The following ZNF3 variants were observed in gnomAD, a reference collection of about 807,000 sequenced individuals.
The protein encoded by ZNF3 is zinc finger protein 3.
ZNF3 carries 16 observed loss-of-function variants against 36.9 expected under a neutral mutation model. The observed-to-expected ratio is 0.43, with a 90% CI of 0.29 to 0.66. The LOEUF (loss-of-function observed/expected upper bound fraction) is 0.66. Among genes scored for constraint, ZNF3 ranks in the 30% least tolerant of loss-of-function variants. ZNF3 has a pLI of 0.13. For synonymous variants in ZNF3, 201 were observed against 201.9 expected (o/e 1.00, Z 0.04); for missense variants, 462 against 543.1 (o/e 0.85, Z 1.48).
At chr7:100,073,320 A>T (rs186547861) in intron 5 of ZNF3, among the ~76,000 whole-genome samples, 1 of 152,226 alleles carries the variant, frequency 6.6e-6, no homozygotes, top group Non-Finnish European at 1.5e-5. Flanking sequence ...ACATCCTAAA[A>T]GTTGAGAAAC....
exon 6 of ZNF3, chr7:100,064,226 G>A: frequency 6.2e-7 from 1 of 1,614,162 alleles, no homozygotes; most frequent in Non-Finnish European, 8.5e-7. Context: ...TTTGGGCAGA[G>A]CTCAGACCTT....
In ZNF3 at chr7:100,070,893, A is replaced by G; in HGVS notation, c.*250T>C. ...GCTGTGAGAAAAACAGTTTAGTGCAAACTCCTTTCCTAAATGGGGTAACTG... is the reference window on the plus strand; with the variant it reads ...GCTGTGAGAAAAACAGTTTAGTGCAGACTCCTTTCCTAAATGGGGTAACTG... On this transcript the variant is annotated 3_prime_UTR_variant, in exon 6 of 6. Coordinates refer to ENST00000299667, the MANE Select transcript of ZNF3 (RefSeq NM_032924.5). 7.8e-7 allele frequency: 1 copy of G among 1,284,292 alleles called. No individual in the cohort carries two copies. The highest frequency in any genetic ancestry group is 3.2e-5 in the East Asian group (1 of 31,238). The allele number at this position is 1,284,292 out of a possible 1,614,324, so 79.6% of individuals were successfully genotyped here.
Position 100,070,766 on chromosome 7 carries a change from C to A in ZNF3, c.*377G>T. 1.3e-5 allele frequency: 13 copies of A among 1,021,836 alleles called. No homozygotes were observed. Among genetic ancestry groups the A allele is most frequent in the Non-Finnish European group, 1.5e-5 (13 of 851,626 alleles). 63.3% of individuals were successfully genotyped at this position (1,021,836 alleles called of 1,614,324 possible). On this transcript the variant is annotated 3_prime_UTR_variant, in exon 6 of 6. Transcript: ENST00000299667. ...AGCAAATAACAGGACCCAGAGCGTC[C>A]TTTCCACTGCTGTCTGTGCTGACTA...
At chr7:100,064,513 G>C in exon 6 of ZNF3, 1 of 1,614,076 alleles carries the variant, frequency 6.2e-7, no homozygotes, top group Non-Finnish European at 8.5e-7. Flanking sequence ...AATCCACACC[G>C]GGGAAAAGCC....
intron 5 of ZNF3, among the ~76,000 whole-genome samples, chr7:100,072,658 G>A (rs1793393922): frequency 6.6e-6 from 1 of 152,168 alleles, no homozygotes; most frequent in Admixed American, 6.5e-5. Context: ...AGCAGCGCGG[G>A]AACAAGCAAG....
upstream of ZNF3, among the ~76,000 whole-genome samples, chr7:100,082,032 C>T (rs943822190): frequency 2.6e-5 from 4 of 151,996 alleles, no homozygotes; most frequent in Non-Finnish European, 5.9e-5. Flanking sequence ...GGGCGGGCGG[C>T]GGGGGCGCGC....
downstream of ZNF3, among the ~76,000 whole-genome samples, chr7:100,066,182 T>A (rs905296370): frequency 6.6e-6 from 1 of 152,036 alleles, no homozygotes; most frequent in Non-Finnish European, 1.5e-5. Context: ...ACTCTTGGGA[T>A]TTTTTGTTTA....
chr7:100,075,769 C>T (rs924670706), intron 3 of ZNF3, 139 bp from the exon 4 acceptor site: 5 of 757,382 alleles, frequency 6.6e-6, no homozygotes, highest in Non-Finnish European at 1.1e-5. Flanking sequence ...AAGTTTGCTT[C>T]CTCTGCAGCT....
intron 2 of ZNF3, 184 bp from the exon 3 acceptor site, chr7:100,077,617 C>A (rs112193933): frequency 3.4e-5 from 13 of 380,730 alleles, no homozygotes; most frequent in Non-Finnish European, 5.4e-5. Context: ...AACAGGGTCT[C>A]GCTATATTGC....
downstream of ZNF3, among the ~76,000 whole-genome samples, chr7:100,069,673 G>A (rs1021015601): frequency 3.3e-5 from 5 of 151,680 alleles, no homozygotes; most frequent in Admixed American, 2.0e-4. Context: ...GAGTTCAATG[G>A]CGCGATCTCA....
At chr7:100,076,718 G>A (rs1291677878) in intron 3 of ZNF3, among the ~76,000 whole-genome samples, 4 of 152,166 alleles carry the variant, frequency 2.6e-5, no homozygotes, top group African/African-American at 9.7e-5. Context: ...GAAGTCGGCT[G>A]CATAGAATGC....
intron 4 of ZNF3, 140 bp from the exon 5 acceptor site, chr7:100,075,401 G>C (rs569886356): frequency 1.3e-6 from 2 of 1,527,412 alleles, no homozygotes; most frequent in Admixed American, 1.8e-5. Context: ...AGAGACAGGA[G>C]TCCAAGATAG....
chr7:100,066,374 G>A (rs1458843050), downstream of ZNF3, among the ~76,000 whole-genome samples: 2 of 152,030 alleles, frequency 1.3e-5, no homozygotes, highest in South Asian at 2.1e-4. Context: ...CCAGGAGTTC[G>A]AGACCAGCCT....
At chr7:100,074,468 C>T (rs779482184) in intron 5 of ZNF3, among the ~76,000 whole-genome samples, 4 of 152,022 alleles carry the variant, frequency 2.6e-5, no homozygotes, top group South Asian at 2.1e-4. Flanking sequence ...GACAGGGTCT[C>T]GCCATGTTGC....
rs747511150 is a variant in ZNF3, at chr7:100,071,654, A to G, written c.830T>C (p.Ile277Thr). The G allele has an allele frequency of 1.2e-6, 2 of 1,613,754 alleles. No homozygotes were observed. Among genetic ancestry groups the G allele is most frequent in the Middle Eastern group, 1.6e-4 (1 of 6,082 alleles). The change falls in exon 6 of 6, where the codon ATC becomes ACC. Residue 277 changes from isoleucine to threonine, a missense_variant. Coordinates refer to ENST00000299667, the MANE Select transcript of ZNF3 (RefSeq NM_032924.5). ...TTCATAGGGTTTCTCCCCCGTGTGG[A>G]TCCTCCGATGCAGAATGAGGGCAGA... is the stretch of plus-strand genomic sequence containing the variant. ...CSSALILHRRIHTGEKPYECN... is the reference protein window; with the variant it reads ...CSSALILHRRTHTGEKPYECN...
rs753556035 is a variant in ZNF3, at chr7:100,071,300, G to A, written c.1184C>T (p.Pro395Leu). Residue 395 changes from proline (P) to leucine (L), a missense_variant, in exon 6 of 6, where the codon CCC becomes CTC. Transcript: ENST00000299667. ...TTTCCCACACTCACTACATTCATAG[G>A]GGTTCTCCCCGGTGTGGATTCTTTG... ...QHQRIHTGENPYECSECGKAF... is the reference protein window; with the variant it reads ...QHQRIHTGENLYECSECGKAF... The A allele has an allele frequency of 6.2e-7, 1 of 1,614,222 alleles. No individual in the cohort carries two copies. Among genetic ancestry groups the A allele is most frequent in the South Asian group, 1.1e-5 (1 of 91,084 alleles).
In ZNF3 at chr7:100,075,646, A is replaced by G; in HGVS notation, c.56-16T>C. ...GAAGGAAGAGCTGAAGGGCAATAAA[A>G]GGGCCCAGGAATGAGTCCATCTGCT... On this transcript the variant is annotated splice_polypyrimidine_tract_variant and intron_variant, in intron 3 of 5. Transcript: ENST00000299667. 1.2e-6 allele frequency: 2 copies of G among 1,612,944 alleles called. No individual in the cohort carries two copies. The highest frequency in any genetic ancestry group is 2.2e-5 in the South Asian group (2 of 90,926).
At position 100,081,412 on chromosome 7, in the gene ZNF3, C is replaced by T. The variant is rs1305077281; in HGVS notation, c.-198+223G>A. On this transcript the variant is annotated intron_variant, in intron 1 of 5. Transcript: ENST00000299667. This position sits in a 1 kb window ranked among gnomAD's most constrained non-coding sequence, Gnocchi z 4.3. ...CGCCGTTAAAGTCACAAAACCAGAA[C>T]CGGAGCCCCATTACTAACCCCTACG... Among the ~76,000 whole-genome samples, 1 of 152,226 alleles carries T rather than the reference C, an allele frequency of 6.6e-6. No individual in the cohort carries two copies. Among genetic ancestry groups the T allele is most frequent in the Middle Eastern group, 3.2e-3 (1 of 316 alleles).
exon 6 of ZNF3, chr7:100,064,678 A>G: frequency 6.2e-7 from 1 of 1,604,352 alleles, no homozygotes; most frequent in Middle Eastern, 1.7e-4. Flanking sequence ...ACCAGAAAGA[A>G]GTCTTGTCAT....
Sources: allele counts gnomAD v4.1 joint callset (sites outside exome capture counted in the v4.1 genomes callset), GRCh38; gene constraint gnomAD v4.1.1; non-coding constraint Gnocchi (gnomAD v3.1); transcripts MANE v1.5; gene names NCBI Gene and HGNC (gene_info 2026-07-23, HGNC 2026-07-21).